NTRK2: variants seen among roughly 807,000 people sequenced by gnomAD.
NTRK2 encodes BDNF/NT-3 growth factors receptor.
NTRK2 carries 13 observed loss-of-function variants against 94.5 expected under a neutral mutation model. The ratio of observed to expected loss-of-function variants is 0.14; its 90% CI spans 0.09 to 0.22. The LOEUF (loss-of-function observed/expected upper bound fraction) is 0.22. Ranked by LOEUF, NTRK2 falls within the 10% of genes least tolerant of loss-of-function variation. The pLI, the probability that NTRK2 is intolerant of heterozygous loss-of-function variation, is 1.00. For missense variants in NTRK2, 639 were observed against 1,071.2 expected (o/e 0.60, Z 5.63); for synonymous variants, 372 against 407.4 (o/e 0.91, Z 1.05).
At chr9:84,812,447 T>C (rs2071915096) in intron 12 of NTRK2, 3 of 1,053,284 alleles carry the variant, frequency 2.8e-6, no homozygotes, top group Non-Finnish European at 3.4e-6. Flanking sequence ...TGGCCCCCAA[T>C]GTGGGGAGGT....
At chr9:84,770,153 A>AACCCAC (rs2066399461) in intron 12 of NTRK2, among the ~76,000 whole-genome samples, 1 of 136,956 alleles carries the variant, frequency 7.3e-6, no homozygotes, top group South Asian at 2.5e-4. Flanking sequence ...TGTGCATGAG[A>AACCCAC]ACACACACAC....
At chr9:84,785,858 A>T (rs1348431102) in intron 12 of NTRK2, among the ~76,000 whole-genome samples, 1 of 152,152 alleles carries the variant, frequency 6.6e-6, no homozygotes, top group Non-Finnish European at 1.5e-5. Flanking sequence ...AGAGTCAGGG[A>T]TGGCTAGTCA....
intron 12 of NTRK2, among the ~76,000 whole-genome samples, chr9:84,782,552 C>G (rs2067700383): frequency 6.6e-6 from 1 of 152,148 alleles, no homozygotes; most frequent in Admixed American, 6.5e-5. Context: ...ATGAAAAAAA[C>G]AAATAATCAA....
chr9:84,939,738 T>G (rs746411082), intron 15 of NTRK2, among the ~76,000 whole-genome samples: 2 of 152,112 alleles, frequency 1.3e-5, no homozygotes, highest in African/African-American at 2.4e-5. Flanking sequence ...AAAAAAGAAT[T>G]TATTGGCTTC....
chr9:84,921,204 T>C (rs1422935639), intron 14 of NTRK2, among the ~76,000 whole-genome samples: 5 of 152,240 alleles, frequency 3.3e-5, no homozygotes, highest in Non-Finnish European at 7.3e-5. Context: ...GGAGTAATTC[T>C]CTTTTTTCTG....
At chr9:84,871,360 T>G (rs924987075) in intron 14 of NTRK2, among the ~76,000 whole-genome samples, 2 of 152,154 alleles carry the variant, frequency 1.3e-5, no homozygotes, top group African/African-American at 4.8e-5. Context: ...TCCCCAAGAT[T>G]TAAGACACCG....
At chr9:84,759,150 T>C (rs2065327010) in intron 12 of NTRK2, among the ~76,000 whole-genome samples, 1 of 152,180 alleles carries the variant, frequency 6.6e-6, no homozygotes, top group Non-Finnish European at 1.5e-5. Context: ...TGAAAATGAA[T>C]CTAGAGAAAA....
chr9:84,858,933 G>A (rs909688590), intron 12 of NTRK2, among the ~76,000 whole-genome samples: 2 of 152,110 alleles, frequency 1.3e-5, no homozygotes, highest in African/African-American at 2.4e-5. Flanking sequence ...CAGTGACCAC[G>A]AGCTGAAAGA....
At chr9:84,977,732 A>G (rs1437505099) in intron 17 of NTRK2, among the ~76,000 whole-genome samples, 1 of 152,206 alleles carries the variant, frequency 6.6e-6, no homozygotes, top group Non-Finnish European at 1.5e-5. Flanking sequence ...TTATTGCACT[A>G]TGCAAATATT....
intron 12 of NTRK2, among the ~76,000 whole-genome samples, chr9:84,850,042 A>G (rs1234063967): frequency 6.6e-6 from 1 of 152,232 alleles, no homozygotes; most frequent in Admixed American, 6.5e-5. Context: ...GCAGTGCAGA[A>G]TGTGGTGTTT....
intron 12 of NTRK2, among the ~76,000 whole-genome samples, chr9:84,779,292 T>C (rs1444015468): frequency 2.0e-5 from 3 of 152,208 alleles, no homozygotes; most frequent in Admixed American, 2.0e-4. Context: ...CTTTTCTTTT[T>C]ATAAAACACA....
chr9:84,872,519 A>G (rs200639829), intron 14 of NTRK2: 163 of 1,066,018 alleles, frequency 1.5e-4, no homozygotes, highest in Admixed American at 2.1e-4. Flanking sequence ...ATGTACCTGG[A>G]TGTGTTTGTA....
At chr9:84,692,468 C>CTTTTTTTTTTTTTTTTTTTTTTTTTTTT (rs71369138) in intron 2 of NTRK2, among the ~76,000 whole-genome samples, 3 of 87,696 alleles carry the variant, frequency 3.4e-5, no homozygotes, top group Non-Finnish European at 6.4e-5. Flanking sequence ...TTCTTTTTTT[C>CTTTTTTTTTTTTTTTTTTTTTTTTTTTT]TTTTTTTTTT....
At position 84,814,512 on chromosome 9, in the gene NTRK2, G is replaced by A. The variant is rs116353831; in HGVS notation, c.1397-46528G>A. 913 of 1,065,564 alleles carry A rather than the reference G, an allele frequency of 8.6e-4. 10 individuals carry two copies. The African/African-American group carries it at 0.014, about 16-fold the overall frequency. 66.0% of individuals were successfully genotyped at this position (1,065,564 alleles called of 1,614,324 possible). ...CTGAGAATTTATTTTTGTTTCATTG[G>A]TTGTTTCACAGAATTAGAACACACA... is the stretch of plus-strand genomic sequence containing the variant. On this transcript the variant is annotated intron_variant, in intron 12 of 18. Coordinates refer to ENST00000277120, the MANE Select transcript of NTRK2 (RefSeq NM_006180.6).
intron 2 of NTRK2, among the ~76,000 whole-genome samples, chr9:84,682,064 A>T (rs1188768990): frequency 6.6e-6 from 1 of 152,196 alleles, no homozygotes; most frequent in Non-Finnish European, 1.5e-5. Flanking sequence ...TGAGGCATCC[A>T]TCTCCATAAT....
intron 6 of NTRK2, among the ~76,000 whole-genome samples, chr9:84,719,275 G>A (rs1232188452): frequency 6.6e-6 from 1 of 151,904 alleles, no homozygotes; most frequent in Non-Finnish European, 1.5e-5. Flanking sequence ...TTAAATGAGG[G>A]CAAAATACTT....
At chr9:84,720,266 A>G (rs2061977689) in intron 6 of NTRK2, among the ~76,000 whole-genome samples, 1 of 152,154 alleles carries the variant, frequency 6.6e-6, no homozygotes, top group Non-Finnish European at 1.5e-5. Flanking sequence ...AGGTGACTGC[A>G]CCTCTCCTGC....
intron 12 of NTRK2, among the ~76,000 whole-genome samples, chr9:84,792,200 A>C (rs2068807077): frequency 6.6e-6 from 1 of 152,200 alleles, no homozygotes; most frequent in Admixed American, 6.5e-5. Flanking sequence ...CATGACCCTT[A>C]ATACATTAAA....
At chr9:84,700,568 C>G (rs1462703415) in intron 2 of NTRK2, among the ~76,000 whole-genome samples, 2 of 152,010 alleles carry the variant, frequency 1.3e-5, no homozygotes, top group African/African-American at 4.8e-5. Context: ...AAAAGTATTT[C>G]TCTTTGGTGT....
Sources: allele counts gnomAD v4.1 joint callset (sites outside exome capture counted in the v4.1 genomes callset), GRCh38; gene constraint gnomAD v4.1.1; transcripts MANE v1.5; gene names NCBI Gene and HGNC (gene_info 2026-07-23, HGNC 2026-07-21).